The following JCHAIN variants were observed in gnomAD, a reference collection of about 807,000 sequenced individuals.
JCHAIN encodes joining chain of multimeric IgA and IgM, also known as immunoglobulin J chain.
A neutral mutation model predicts 11.1 loss-of-function variants in JCHAIN; 5 were observed. The ratio of observed to expected loss-of-function variants is 0.45; its 90% CI spans 0.24 to 0.95. JCHAIN has a LOEUF of 0.95. JCHAIN is among the 40% of genes least tolerant of loss of function. The pLI is 0.21. For synonymous variants in JCHAIN, 51 were observed against 67.8 expected, an observed-to-expected ratio of 0.75 and a Z score of 1.22; for missense variants, 165 against 192.7, an observed-to-expected ratio of 0.86 and a Z score of 0.85.
At chr4:70,657,363 C>A in intron 2 of JCHAIN, 72 bp from the exon 3 acceptor site, 1 of 883,396 alleles carries the variant, frequency 1.1e-6, no homozygotes, top group Non-Finnish European at 1.9e-6. Context: ...AATGAGTATA[C>A]GGCCACTATT....
intron 2 of JCHAIN, among the ~76,000 whole-genome samples, chr4:70,660,473 T>C (rs1382749315): frequency 1.3e-5 from 2 of 150,746 alleles, no homozygotes; most frequent in African/African-American, 2.4e-5. Context: ...AACCTCCGCC[T>C]TCCGGGTTCA....
chr4:70,659,873 A>G (rs988670638), intron 2 of JCHAIN, among the ~76,000 whole-genome samples: 2 of 152,076 alleles, frequency 1.3e-5, no homozygotes, highest in Admixed American at 1.3e-4. Context: ...TCTCAAAATA[A>G]TGATAAGAAT....
intron 2 of JCHAIN, among the ~76,000 whole-genome samples, chr4:70,660,301 A>G (rs1166139569): frequency 1.3e-5 from 2 of 152,070 alleles, no homozygotes; most frequent in Non-Finnish European, 1.5e-5. Flanking sequence ...GGTGGGACAG[A>G]GTTCTTCAAA....
chr4:70,659,211 G>T (rs79506039), intron 2 of JCHAIN, among the ~76,000 whole-genome samples: 3,409 of 152,094 alleles, frequency 0.022, 115 homozygotes, highest in African/African-American at 0.072. Context: ...TAAGTAACTT[G>T]CCCAAAGTCA....
At chr4:70,657,081 C>A in intron 3 of JCHAIN, 130 bp downstream of exon 3, 2 of 498,712 alleles carry the variant, frequency 4.0e-6, no homozygotes, top group Non-Finnish European at 3.6e-6. Flanking sequence ...TTAATGTATT[C>A]AAAAGTTCAG....
chr4:70,664,302 C>A (rs192686243), intron 1 of JCHAIN, among the ~76,000 whole-genome samples: 6 of 151,866 alleles, frequency 4.0e-5, no homozygotes, highest in East Asian at 1.9e-4. Context: ...AGCTAAGTGA[C>A]CTTTAACAAT....
At chr4:70,661,867 T>C (rs903351971) in intron 2 of JCHAIN, among the ~76,000 whole-genome samples, 2 of 152,248 alleles carry the variant, frequency 1.3e-5, no homozygotes, top group Non-Finnish European at 2.9e-5. Context: ...TGTTTATAAT[T>C]TGATGTAGCC....
At chr4:70,665,157 G>A (rs1256128843) in intron 1 of JCHAIN, among the ~76,000 whole-genome samples, 1 of 152,272 alleles carries the variant, frequency 6.6e-6, no homozygotes, top group East Asian at 1.9e-4. Context: ...TTACTAAAAA[G>A]TGATTGCCTT....
rs557259984 is a variant in JCHAIN, at chr4:70,659,908, C to G, written c.188+2184G>C. Among the ~76,000 whole-genome samples, 260 of 152,004 alleles carry G rather than the reference C, an allele frequency of 1.7e-3. 1 individual carries two copies. Among genetic ancestry groups the G allele is most frequent in the Non-Finnish European group, 2.6e-3 (176 of 68,018 alleles). On this transcript the variant is annotated intron_variant, in intron 2 of 3. Coordinates refer to ENST00000254801, the MANE Select transcript of JCHAIN (RefSeq NM_144646.4). Reference sequence around the variant, plus strand: ...TAATAATAATAATACCATAATGGCACAGCAATGGCAATATACTTTCAGAAA... The same window carrying G: ...TAATAATAATAATACCATAATGGCAGAGCAATGGCAATATACTTTCAGAAA...
Position 70,662,176 on chromosome 4 carries a change from C to T in JCHAIN, c.104G>A (p.Cys35Tyr), listed in dbSNP as rs1390234899. 3.7e-6 allele frequency: 6 copies of T among 1,613,398 alleles called. No individual in the cohort carries two copies. The highest frequency in any genetic ancestry group is 1.1e-5 in the South Asian group (1 of 91,064). ...CCTGGAAGTAATCCGGGCACACTTA[C>T]ATTTGTTGTCAACAAGAACAATCCT... ...DERIVLVDNK[C>Y]KCARITSRII... The change falls in exon 2 of 4, where the codon TGT (cysteine) becomes TAT (tyrosine). Residue 35 changes from cysteine to tyrosine, a missense_variant. By Grantham distance (194) the Cys-to-Tyr change is radical (BLOSUM62 -2). Coordinates refer to ENST00000254801, the MANE Select transcript of JCHAIN (RefSeq NM_144646.4).
At chr4:70,659,273 G>C (rs528858756) in intron 2 of JCHAIN, among the ~76,000 whole-genome samples, 72 of 152,110 alleles carry the variant, frequency 4.7e-4, no homozygotes, top group African/African-American at 1.7e-3. Flanking sequence ...TGGCAGGCTC[G>C]GCATGGTGGC....
Position 70,659,549 on chromosome 4 carries a change from C to CAAAAAAAAAAAAAAA in JCHAIN, c.189-2273_189-2259dup, listed in dbSNP as rs35627461. 1.8e-4 allele frequency among the ~76,000 whole-genome samples: 3 copies of CAAAAAAAAAAAAAAA among 16,552 alleles called. 1 individual carries two copies. The highest frequency in any genetic ancestry group is 8.3e-4 in the African/African-American group (3 of 3,624). The allele number at this position is 16,552 out of a possible 152,430, so 10.9% of individuals were successfully genotyped here. On this transcript the variant is annotated intron_variant, in intron 2 of 3. Transcript: ENST00000254801. Reference sequence around the variant, plus strand: ...TGGGCAACAGAGTGAGACTCTGTCTCAAAAAAAAAAAAAAAAAAAAAAAAA... The same window carrying CAAAAAAAAAAAAAAA: ...TGGGCAACAGAGTGAGACTCTGTCTCAAAAAAAAAAAAAAAAAAAAAAAAAAAAAAAAAAAAAAAA...
At chr4:70,658,695 C>G (rs1577978485) in intron 2 of JCHAIN, among the ~76,000 whole-genome samples, 1 of 152,158 alleles carries the variant, frequency 6.6e-6, no homozygotes, top group African/African-American at 2.4e-5. Context: ...ATTTAGCCAG[C>G]AAACTCCTAT....
intron 2 of JCHAIN, 46 bp from the exon 3 acceptor site, chr4:70,657,337 T>C (rs1202736413): frequency 1.6e-6 from 2 of 1,219,196 alleles, no homozygotes; most frequent in Non-Finnish European, 2.4e-6. Context: ...GAAATGCAGA[T>C]ATTGTTATTT....
chr4:70,657,129 A>G (rs1003228974), intron 3 of JCHAIN, 82 bp downstream of exon 3: 13 of 723,352 alleles, frequency 1.8e-5, no homozygotes, highest in Non-Finnish European at 3.1e-5. Flanking sequence ...ACATATTTTT[A>G]AAAACATTCT....
At chr4:70,656,609 T>C in intron 3 of JCHAIN, 70 bp from the exon 4 acceptor site, 1 of 1,154,882 alleles carries the variant, frequency 8.7e-7, no homozygotes, top group Non-Finnish European at 1.3e-6. Flanking sequence ...CACATTTCAA[T>C]CCAAAATCAA....
intron 1 of JCHAIN, 145 bp downstream of exon 1, chr4:70,666,282 C>T (rs1739151882): frequency 1.7e-6 from 1 of 588,168 alleles, no homozygotes; most frequent in African/African-American, 1.9e-5. Flanking sequence ...GTAAAGACAA[C>T]TGCCATAGAA....
chr4:70,662,221 A>G lies in JCHAIN; in HGVS notation c.65-6T>C. Reference sequence around the variant, plus strand: ...AATCCTTTCATCTTCTTGGGCTTGAAAGGTAAACGTATTAAAAAGAAAGGA... The same window carrying G: ...AATCCTTTCATCTTCTTGGGCTTGAGAGGTAAACGTATTAAAAAGAAAGGA... On this transcript the variant is annotated splice_region_variant and splice_polypyrimidine_tract_variant and intron_variant, in intron 1 of 3. Coordinates refer to ENST00000254801, the MANE Select transcript of JCHAIN (RefSeq NM_144646.4). The G allele has an allele frequency of 6.2e-7, 1 of 1,611,218 alleles. No homozygotes were observed. The highest frequency in any genetic ancestry group is 8.5e-7 in the Non-Finnish European group (1 of 1,178,128).
chr4:70,656,263 TA>T lies in JCHAIN; in HGVS notation c.*65del. The T allele has an allele frequency of 8.6e-7, 1 of 1,165,188 alleles. No homozygotes were observed. The highest frequency in any genetic ancestry group is 1.3e-6 in the Non-Finnish European group (1 of 796,676). The allele number at this position is 1,165,188 out of a possible 1,614,324, so 72.2% of individuals were successfully genotyped here. A position where few individuals can be genotyped will look rare whatever the true frequency, so the allele number is the denominator to read the frequency against. On this transcript the variant is annotated 3_prime_UTR_variant, in exon 4 of 4. Transcript: ENST00000254801. The stretch of plus-strand genomic sequence containing the variant: ...TCAAATTCATTGGTAATAAATATGC[TA>T]ACTTTCTGAATCAAAATGGAGAGCC...
Sources: allele counts gnomAD v4.1 joint callset (sites outside exome capture counted in the v4.1 genomes callset), GRCh38; gene constraint gnomAD v4.1.1; transcripts MANE v1.5; gene names NCBI Gene and HGNC (gene_info 2026-07-23, HGNC 2026-07-21).